The following LAS1L variants were observed in gnomAD, a reference collection of about 807,000 sequenced individuals.
LAS1L encodes LAS1 like ribosome biogenesis factor, also known as ribosomal biogenesis protein LAS1L.
In LAS1L, 5 loss-of-function variants were observed where a neutral mutation model predicts 57.3. The ratio of observed to expected loss-of-function variants is 0.09; its 90% confidence interval spans 0.05 to 0.18. LAS1L has a LOEUF of 0.18. Among genes scored for constraint, LAS1L ranks in the 10% least tolerant of loss-of-function variants. The pLI is 1.00. For missense variants in LAS1L, 360 were observed against 568.3 expected (o/e 0.63, Z 3.73); for synonymous variants, 245 against 231.7 (o/e 1.06, Z -0.52).
chrX:65,520,857 C>A (rs1344031138), intron 11 of LAS1L: 44 of 752,277 alleles, frequency 5.8e-5, no homozygotes, highest in Non-Finnish European at 6.7e-5. Flanking sequence ...CCTATCCAAA[C>A]CTCTCCATGC....
intron 11 of LAS1L, among the ~76,000 whole-genome samples, chrX:65,519,832 T>TG (rs955356817): frequency 6.3e-4 from 70 of 111,063 alleles, no homozygotes; most frequent in Admixed American, 1.1e-3. Context: ...GGGGCAGGGC[T>TG]GGGGGGCTGA....
chrX:65,528,206 G>A lies in LAS1L; in HGVS notation c.956+54C>T, dbSNP rs752816401. The A allele has an allele frequency of 6.9e-5, 53 of 772,543 alleles. No individual in the cohort carries two copies. In the South Asian group the frequency reaches 1.0e-3, roughly 15 times the overall value. The allele number at this position is 772,543 out of a possible 1,213,427, so 63.7% of individuals were successfully genotyped here. A position where few individuals can be genotyped will look rare whatever the true frequency, so the allele number is the denominator to read the frequency against. The stretch of plus-strand genomic sequence containing the variant: ...GGATAGGGAAACCGATTTCAATGAG[G>A]CTGCTACCCTCTATCCTAGAGAATA... On this transcript the variant is annotated intron_variant, in intron 7 of 13. Coordinates refer to ENST00000374811, the MANE Select transcript of LAS1L (RefSeq NM_031206.7).
At chrX:65,531,557 G>T in intron 3 of LAS1L, 119 bp from the exon 4 acceptor site, 1 of 484,130 alleles carries the variant, frequency 2.1e-6, no homozygotes. Context: ...GAGAAACTGA[G>T]GTCCTGAAAG....
chrX:65,520,906 C>T, intron 11 of LAS1L: 2 of 754,315 alleles, frequency 2.7e-6, no homozygotes, highest in Non-Finnish European at 3.1e-6. Context: ...TATACACATG[C>T]CATGTTCCTT....
chrX:65,513,589 C>CA (rs1328938836), intron 13 of LAS1L, among the ~76,000 whole-genome samples: 3 of 112,230 alleles, frequency 2.7e-5, no homozygotes, highest in African/African-American at 6.5e-5. Context: ...ATCTTACAGA[C>CA]AAGTTAACTG....
In LAS1L at chrX:65,534,627, C is replaced by T; in HGVS notation, c.89G>A (p.Gly30Glu). The change falls in exon 1 of 14, where the codon GGG becomes GAG. Residue 30 changes from glycine (G) to glutamate (E), a missense_variant. Physicochemically the swap from Gly to Glu is moderately conservative, Grantham distance 98. This residue lies in a region of LAS1L where 36 missense variants were observed against 27.9 expected (regional missense o/e 1.29). Coordinates refer to ENST00000374811, the MANE Select transcript of LAS1L (RefSeq NM_031206.7). The part of the protein sequence containing the change: ...WSAWYGKCVK[G>E]KGSLPLSAHG... ...GGCCGAGAGTGGCAACGACCCTTTC[C>T]CTTTAACGCACTTTCCGTACCACGC... is the stretch of plus-strand genomic sequence containing the variant. 8.3e-7 allele frequency: 1 copy of T among 1,199,718 alleles called. No homozygotes were observed. Among genetic ancestry groups the T allele is most frequent in the Non-Finnish European group, 1.1e-6 (1 of 889,311 alleles).
intron 2 of LAS1L, among the ~76,000 whole-genome samples, chrX:65,533,184 G>A (rs1369745299): frequency 9.0e-6 from 1 of 111,131 alleles, no homozygotes; most frequent in Non-Finnish European, 1.9e-5. Context: ...TCATGAGGGA[G>A]AGAAGGGGAA....
intron 11 of LAS1L, chrX:65,521,415 T>G: frequency 3.5e-6 from 1 of 282,472 alleles, no homozygotes; most frequent in Non-Finnish European, 4.8e-6. Flanking sequence ...CTTGAAAAGC[T>G]TAGTCTGATA....
chrX:65,518,652 G>A (rs2068735715), intron 11 of LAS1L, 187 bp from the exon 12 acceptor site: 1 of 484,315 alleles, frequency 2.1e-6, no homozygotes, highest in African/African-American at 2.6e-5. Flanking sequence ...GTTCATCTCT[G>A]TGCCTCACTT....
intron 12 of LAS1L, among the ~76,000 whole-genome samples, chrX:65,516,636 T>TAC (rs57356313): frequency 0.12 from 10,354 of 89,400 alleles, 774 homozygotes; most frequent in Admixed American, 0.25. Context: ...CTTTTTCCTA[T>TAC]ACACACACAC....
intron 13 of LAS1L, 35 bp from the exon 14 acceptor site, chrX:65,512,936 G>A: frequency 1.7e-6 from 2 of 1,144,033 alleles, no homozygotes; most frequent in Non-Finnish European, 1.2e-6. Context: ...CAGGGAAGGA[G>A]GCAGCTTTAG....
chrX:65,529,833 C>G lies in LAS1L; in HGVS notation c.560G>C (p.Arg187Pro). 8.3e-7 allele frequency: 1 copy of G among 1,211,475 alleles called. No homozygotes were observed. The highest frequency in any genetic ancestry group is 1.1e-6 in the Non-Finnish European group (1 of 895,291). ...CTCTCTCAGGCTGTTCTCCAGTTGG[C>G]GGCACCAATAGGTCTTCTGGAGCCA... ...LDWLQKTYWC[R>P]QLENSLRETW... The change falls in exon 5 of 14, where the codon CGC becomes CCC. Residue 187 changes from arginine (R) to proline (P), a missense_variant. Physicochemically the swap from Arg to Pro is moderately radical, Grantham distance 103. Coordinates refer to ENST00000374811, the MANE Select transcript of LAS1L (RefSeq NM_031206.7).
rs755624711 is a variant in LAS1L, at chrX:65,524,915, C to T, written c.1042+50G>A. 4 of 1,080,238 alleles carry T rather than the reference C, an allele frequency of 3.7e-6. No homozygotes were observed. The Admixed American group carries it at 9.4e-5, about 25-fold the overall frequency. 89.0% of individuals were successfully genotyped at this position (1,080,238 alleles called of 1,213,427 possible). On this transcript the variant is annotated intron_variant, in intron 8 of 13. Transcript: ENST00000374811. ...GCCCCCCAGCCCACCCCAGCTGTTTCCACCCAGGAATCAGAACCCTAAGGG... is the reference window on the plus strand; with the variant it reads ...GCCCCCCAGCCCACCCCAGCTGTTTTCACCCAGGAATCAGAACCCTAAGGG...
rs1289568725 is a variant in LAS1L at position 65,531,375 on chromosome X, T to C, written c.496A>G (p.Ile166Val). The change falls in exon 4 of 14, where the codon ATA (isoleucine) becomes GTA (valine). Residue 166 changes from isoleucine to valine, a missense_variant. Physicochemically the swap from Ile to Val is conservative, Grantham distance 29 (BLOSUM62 3). Transcript: ENST00000374811. ...HELTHKKMPH[I>V]NDCRRGCYFV... is the part of the protein sequence containing the mutation. The stretch of plus-strand genomic sequence containing the variant: ...GACTCACCTCTGCGGCAGTCATTTA[T>C]ATGGGGCATTTTCTTGTGGGTCAAC... 1 of 1,207,600 alleles carries C rather than the reference T, an allele frequency of 8.3e-7. No homozygotes were observed. Among genetic ancestry groups the C allele is most frequent in the Non-Finnish European group, 1.1e-6 (1 of 891,882 alleles).
In LAS1L at chrX:65,514,008, A is replaced by G. The variant is rs149374288; in HGVS notation, c.2078+815T>C. Among the ~76,000 whole-genome samples the G allele has an allele frequency of 7.2e-3, 806 of 112,168 alleles. 16 individuals are homozygous for G. The highest frequency in any genetic ancestry group is 0.025 in the African/African-American group (768 of 30,900). ...TCTGGCCTGCTTCTGGGGCCCCTGG[A>G]TTCTATAGCCCTTTCCCAGAATGCC... On this transcript the variant is annotated intron_variant, in intron 13 of 13. Coordinates refer to ENST00000374811, the MANE Select transcript of LAS1L (RefSeq NM_031206.7).
chrX:65,524,123 G>A lies in LAS1L; in HGVS notation c.1233C>T (p.Ile411=), dbSNP rs565077547. The change falls in exon 10 of 14, where the codon ATC becomes ATT. Residue 411 remains isoleucine, a synonymous_variant. Transcript: ENST00000374811. ...RMLSELPALG[I]SGIRPTYILR... ...GGATGTAGGTAGGCCGGATCCCGCT[G>A]ATCCCCAAGGCTGGCAGTTCAGAGA... is the stretch of plus-strand genomic sequence containing the variant. 1.7e-6 allele frequency: 2 copies of A among 1,209,481 alleles called. No individual in the cohort carries two copies. Among genetic ancestry groups the A allele is most frequent in the Non-Finnish European group, 2.2e-6 (2 of 894,839 alleles).
At chrX:65,520,064 C>T (rs2068789363) in intron 11 of LAS1L, among the ~76,000 whole-genome samples, 1 of 111,794 alleles carries the variant, frequency 8.9e-6, no homozygotes, top group South Asian at 3.8e-4. Flanking sequence ...GCCTTATCAG[C>T]CCTGTTTATG....
intron 11 of LAS1L, among the ~76,000 whole-genome samples, chrX:65,520,044 C>T (rs986769118): frequency 3.6e-5 from 4 of 112,125 alleles, no homozygotes; most frequent in Non-Finnish European, 7.5e-5. Flanking sequence ...ACACTTGATA[C>T]TGGCAAAATG....
intron 4 of LAS1L, among the ~76,000 whole-genome samples, chrX:65,530,961 C>A (rs2069453501): frequency 9.0e-6 from 1 of 111,071 alleles, no homozygotes; most frequent in Admixed American, 9.6e-5. Flanking sequence ...CCAGCCTGGG[C>A]AACAGGGTGA....
Sources: gnomAD v4.1 joint callset for allele counts (sites outside exome capture counted in the v4.1 genomes callset) on GRCh38, gnomAD v4.1.1 for gene constraint, gnomAD v4.1.1 regional missense constraint, MANE v1.5 for transcripts, NCBI Gene and HGNC (gene_info 2026-07-23, HGNC 2026-07-21) for gene names.